The following BID variants were observed in gnomAD, a reference collection of about 807,000 sequenced individuals.
BID encodes BH3 interacting domain death agonist, also known as BH3-interacting domain death agonist.
BID carries 19 observed loss-of-function variants against 17.4 expected under a neutral mutation model. That is an observed-to-expected ratio of 1.09 (90% confidence interval 0.76 to 1.60). The LOEUF (loss-of-function observed/expected upper bound fraction) is 1.60, where lower values mean the gene tolerates loss of function less well. Ranked by LOEUF, BID falls within the 40% of genes most tolerant of loss-of-function variation. The probability of loss-of-function intolerance (pLI) is 0.00; values close to 1 mark genes in which losing one functional copy is unlikely to be tolerated. For missense variants in BID, 226 were observed against 256.0 expected, an observed-to-expected ratio of 0.88 and a Z score of 0.80; for synonymous variants, 108 against 102.8, an observed-to-expected ratio of 1.05 and a Z score of -0.31.
In BID at chr22:17,735,204, T is replaced by C. The variant is rs2061411081; in HGVS notation, c.*376A>G. 4.6e-6 allele frequency: 1 copy of C among 218,422 alleles called. No individual in the cohort carries two copies. Among genetic ancestry groups the C allele is most frequent in the Non-Finnish European group, 9.2e-6 (1 of 109,050 alleles). 13.5% of individuals were successfully genotyped at this position (218,422 alleles called of 1,614,324 possible). A position where few individuals can be genotyped will look rare whatever the true frequency, so the allele number is the denominator to read the frequency against. On this transcript the variant is annotated 3_prime_UTR_variant, in exon 6 of 6. Coordinates refer to ENST00000622694, the MANE Select transcript of BID (RefSeq NM_001196.4). ...TGGTTGTACTTTAATAAACAGTAAT[T>C]TTTTTTTACCAAAAAAATTGTATTT...
intron 2 of BID, among the ~76,000 whole-genome samples, chr22:17,745,567 T>C (rs1601844733): frequency 2.0e-5 from 3 of 152,150 alleles, no homozygotes; most frequent in East Asian, 3.9e-4. Context: ...GGAAGGTCAC[T>C]TGAGCCCAGA....
In BID at chr22:17,739,403, C is replaced by A. The variant is rs200739910; in HGVS notation, c.309G>T (p.Pro103=). ...GCAGGGCCAGGCCGTTCACCAGGCCCGGAGGGATGCTACGGTCCATGCTGT... is the reference window on the plus strand; with the variant it reads ...GCAGGGCCAGGCCGTTCACCAGGCCAGGAGGGATGCTACGGTCCATGCTGT... ...VGDSMDRSIP[P]GLVNGLALQL... Residue 103 remains proline (P), a synonymous_variant, in exon 4 of 6, where the codon CCG becomes CCT. Transcript: ENST00000622694. 3 of 1,610,672 alleles carry A rather than the reference C, an allele frequency of 1.9e-6. No individual in the cohort carries two copies. The highest frequency in any genetic ancestry group is 2.5e-6 in the Non-Finnish European group (3 of 1,179,666).
At position 17,750,697 on chromosome 22, in the gene BID, G is replaced by A. The variant is rs560835110; in HGVS notation, c.-58-523C>T. Among the ~76,000 whole-genome samples, 6 of 151,770 alleles carry A rather than the reference G, an allele frequency of 4.0e-5. No homozygotes were observed. In the South Asian group the frequency reaches 8.3e-4, roughly 21 times the overall value. On this transcript the variant is annotated intron_variant, in intron 1 of 5. Transcript: ENST00000622694. ...CAAAAAATTAGCCGGGCGTGGTGGC[G>A]GGCGCCTGTAGTCCCAGCTACTCGG... is the stretch of plus-strand genomic sequence containing the variant.
At chr22:17,746,941 G>A (rs993067062) in intron 2 of BID, among the ~76,000 whole-genome samples, 1 of 152,322 alleles carries the variant, frequency 6.6e-6, no homozygotes, top group East Asian at 1.9e-4. Flanking sequence ...GCAGGCAGCC[G>A]CTGCCCAAGG....
rs774410572 is a variant in BID, at chr22:17,735,553, GCCAGTCACACTTCTGGAACTGT to G, written c.*5_*26del. 6.2e-7 allele frequency: 1 copy of G among 1,614,056 alleles called. No homozygotes were observed. Among genetic ancestry groups the G allele is most frequent in the Admixed American group, 1.7e-5 (1 of 60,020 alleles). On this transcript the variant is annotated 3_prime_UTR_variant, in exon 6 of 6. Transcript: ENST00000622694. ...ACAGCTGTGACCACATCGAGCTTTA[GCCAGTCACACTTCTGGAACTGT>G]CCGTTCAGTCCATCCCCTAGAGCAA...
At position 17,734,637 on chromosome 22, in the gene BID, A is replaced by C. The variant is rs2061407247; in HGVS notation, c.*943T>G. ...TTTTAAAAAGTCCAACTGCTCTTTC[A>C]TCTTTTATGCTTAGAAACCTGTTCT... is the stretch of plus-strand genomic sequence containing the variant. On this transcript the variant is annotated 3_prime_UTR_variant, in exon 6 of 6. Transcript: ENST00000622694. The C allele has an allele frequency of 6.6e-6, 1 of 152,234 alleles. No individual in the cohort carries two copies. The highest frequency in any genetic ancestry group is 2.4e-5 in the African/African-American group (1 of 41,460). 9.4% of individuals were successfully genotyped at this position (152,234 alleles called of 1,614,324 possible). A position where few individuals can be genotyped will look rare whatever the true frequency, so the allele number is the denominator to read the frequency against.
At chr22:17,741,353 C>G (rs1359881873) in intron 3 of BID, among the ~76,000 whole-genome samples, 3 of 152,180 alleles carry the variant, frequency 2.0e-5, no homozygotes, top group African/African-American at 7.2e-5. Context: ...CACATCACTT[C>G]TCTTCAAAAC....
chr22:17,744,059 G>C (rs764876536), intron 2 of BID, 46 bp from the exon 3 acceptor site: 3 of 1,538,650 alleles, frequency 1.9e-6, no homozygotes, highest in Non-Finnish European at 2.7e-6. Flanking sequence ...AGCCAGGCCA[G>C]AGGCCCCTCC....
intron 1 of BID, among the ~76,000 whole-genome samples, chr22:17,765,491 T>C (rs2145918098): frequency 6.6e-6 from 1 of 152,348 alleles, no homozygotes; most frequent in African/African-American, 2.4e-5. Flanking sequence ...AGGTTTTAAG[T>C]TACCTAAGCT....
chr22:17,753,048 G>A (rs2061552767), intron 1 of BID, among the ~76,000 whole-genome samples: 1 of 135,958 alleles, frequency 7.4e-6, no homozygotes, highest in African/African-American at 2.8e-5. Flanking sequence ...CTCACTGCAA[G>A]CTCCGCCTCC....
chr22:17,737,984 G>C, intron 5 of BID, 33 bp downstream of exon 5: 1 of 1,608,092 alleles, frequency 6.2e-7, no homozygotes. Flanking sequence ...ATGGGCGGCA[G>C]GCAGGGAAGG....
At chr22:17,771,753 G>T (rs1188739379) in intron 1 of BID, among the ~76,000 whole-genome samples, 1 of 152,226 alleles carries the variant, frequency 6.6e-6, no homozygotes. Context: ...AAAAGAGGCA[G>T]GCTGTGTTGG....
chr22:17,757,429 C>G (rs1002202424), intron 1 of BID, among the ~76,000 whole-genome samples: 3 of 106,438 alleles, frequency 2.8e-5, no homozygotes, highest in Admixed American at 1.0e-4. Context: ...AAAAAAAATG[C>G]CAGGCGCAGT....
intron 1 of BID, among the ~76,000 whole-genome samples, chr22:17,756,071 T>C (rs1437378911): frequency 6.6e-6 from 1 of 152,202 alleles, no homozygotes; most frequent in East Asian, 1.9e-4. Context: ...TTTCACTATG[T>C]TAGCCAGGCT....
At position 17,751,138 on chromosome 22, in the gene BID, C is replaced by T. The variant is rs1056579400; in HGVS notation, c.-58-964G>A. On this transcript the variant is annotated intron_variant, in intron 1 of 5. Coordinates refer to ENST00000622694, the MANE Select transcript of BID (RefSeq NM_001196.4). ...CTGTAATCCCAGCACTTTGGGAGGC[C>T]GAGGCGGGTGGATCATGAGGTCAGG... Among the ~76,000 whole-genome samples, 8 of 151,380 alleles carry T rather than the reference C, an allele frequency of 5.3e-5. No homozygotes were observed. In the East Asian group the frequency reaches 1.4e-3, roughly 26 times the overall value.
chr22:17,741,992 G>A (rs2061462598), intron 3 of BID, among the ~76,000 whole-genome samples: 1 of 152,214 alleles, frequency 6.6e-6, no homozygotes, highest in Non-Finnish European at 1.5e-5. Flanking sequence ...CGTTCCCGAA[G>A]CTTATCCACC....
chr22:17,744,231 C>G (rs406388), intron 2 of BID, among the ~76,000 whole-genome samples: 18,866 of 152,168 alleles, frequency 0.12, 1,623 homozygotes, highest in Non-Finnish European at 0.18. Context: ...AGGGAGCGAG[C>G]CCCGACTCTG....
chr22:17,773,584 G>A lies in BID; in HGVS notation c.-59+797C>T. ...GCAGGTGAAGGCCGGTCCAGCCGCA[G>A]AAGGCCCAGCCCCCAGCCCACTTAC... On this transcript the variant is annotated intron_variant, in intron 1 of 5. Transcript: ENST00000622694. The surrounding 1 kb of genome is among the most constrained non-coding windows in gnomAD (Gnocchi z 4.4). 1.2e-6 allele frequency: 2 copies of A among 1,611,712 alleles called. No individual in the cohort carries two copies. The highest frequency in any genetic ancestry group is 1.7e-6 in the Non-Finnish European group (2 of 1,179,622).
chr22:17,764,686 C>A (rs1008319057), intron 1 of BID, among the ~76,000 whole-genome samples: 1 of 152,140 alleles, frequency 6.6e-6, no homozygotes, highest in African/African-American at 2.4e-5. Flanking sequence ...GAAGGAGAGG[C>A]CCGGGTACAG....
Sources: gnomAD v4.1 joint callset for allele counts (sites outside exome capture counted in the v4.1 genomes callset) on GRCh38, gnomAD v4.1.1 for gene constraint, Gnocchi (gnomAD v3.1) non-coding constraint, MANE v1.5 for transcripts, NCBI Gene and HGNC (gene_info 2026-07-23, HGNC 2026-07-21) for gene names.